The following ST18 variants were observed in gnomAD, a reference collection of about 807,000 sequenced individuals.
ST18 encodes the protein suppression of tumorigenicity 18 protein.
A neutral mutation model predicts 110.0 loss-of-function variants in ST18; 50 were observed. The ratio of observed to expected loss-of-function variants is 0.45; its 90% CI spans 0.36 to 0.58. The LOEUF (loss-of-function observed/expected upper bound fraction) is 0.58. ST18 is among the 20% of genes least tolerant of loss of function. The probability of loss-of-function intolerance (pLI) is 0.00; values close to 1 mark genes in which losing one functional copy is unlikely to be tolerated. For synonymous variants in ST18, 461 were observed against 452.4 expected (o/e 1.02, Z -0.24); for missense variants, 1,306 against 1,280.1 (o/e 1.02, Z -0.31).
rs28801446 is a variant in ST18, at chr8:52,190,529, C to A, written c.87-10217G>T. 6.3e-3 allele frequency among the ~76,000 whole-genome samples: 962 copies of A among 152,270 alleles called. 8 individuals are homozygous for A. Among genetic ancestry groups the A allele is most frequent in the African/African-American group, 0.022 (932 of 41,554 alleles). On this transcript the variant is annotated intron_variant, in intron 8 of 25. Coordinates refer to ENST00000689386, the MANE Select transcript of ST18 (RefSeq NM_001352837.2). ...CAGCTGCTATGCCAAAATATGAGAT[C>A]TTTGCTTTAGTGGATTAACATACAC... is the stretch of plus-strand genomic sequence containing the variant.
chr8:52,404,333 A>C (rs566960776), intron 2 of ST18: 1 of 152,328 alleles, frequency 6.6e-6, no homozygotes, highest in South Asian at 2.1e-4. Context: ...CCCATCCTGC[A>C]CAGAGAAGGG....
intron 2 of ST18, among the ~76,000 whole-genome samples, chr8:52,371,264 T>C (rs1049536992): frequency 1.3e-5 from 2 of 152,172 alleles, no homozygotes; most frequent in Admixed American, 6.5e-5. Flanking sequence ...CATAATAATA[T>C]TGAGAGAATT....
chr8:52,337,435 C>T (rs1000688544), intron 2 of ST18, among the ~76,000 whole-genome samples: 2 of 152,170 alleles, frequency 1.3e-5, no homozygotes, highest in African/African-American at 2.4e-5. Context: ...CCACCCTGGA[C>T]GAGTGAAAAG....
Position 52,135,568 on chromosome 8 carries a change from CAAA to C in ST18, c.2300+1019_2300+1021del, listed in dbSNP as rs71252929. On this transcript the variant is annotated intron_variant, in intron 19 of 25. Coordinates refer to ENST00000689386, the MANE Select transcript of ST18 (RefSeq NM_001352837.2). ...GGGCAACAAGACCGAAACTCCATCT[CAAA>C]AAAAAAAAAAAAAAAAAAAAGAAAG... Among the ~76,000 whole-genome samples the C allele has an allele frequency of 2.5e-3, 142 of 56,134 alleles. 1 individual carries two copies. Among genetic ancestry groups the C allele is most frequent in the Middle Eastern group, 8.8e-3 (1 of 114 alleles). The allele number at this position is 56,134 out of a possible 152,430, so 36.8% of individuals were successfully genotyped here.
Position 52,133,447 on chromosome 8 carries a change from A to G in ST18, c.2301-146T>C, listed in dbSNP as rs1044287993. 46 of 801,786 alleles carry G rather than the reference A, an allele frequency of 5.7e-5. No homozygotes were observed. In the Middle Eastern group the frequency reaches 1.1e-3, roughly 19 times the overall value. 49.7% of individuals were successfully genotyped at this position (801,786 alleles called of 1,614,324 possible). ...TGGAGGGAGGCGGGGTCACACAGCC[A>G]AATGTAACTAAAAACAAAGAGCTGC... On this transcript the variant is annotated intron_variant, in intron 19 of 25. Coordinates refer to ENST00000689386, the MANE Select transcript of ST18 (RefSeq NM_001352837.2).
chr8:52,119,630 A>G (rs1216846381), intron 23 of ST18, among the ~76,000 whole-genome samples: 1 of 152,196 alleles, frequency 6.6e-6, no homozygotes, highest in African/African-American at 2.4e-5. Flanking sequence ...ATGGTTGCAC[A>G]CAGGAAGCAT....
intron 2 of ST18, among the ~76,000 whole-genome samples, chr8:52,281,694 C>T (rs1208334863): frequency 6.6e-6 from 1 of 152,124 alleles, no homozygotes; most frequent in African/African-American, 2.4e-5. Context: ...CACATGTATA[C>T]CATGGAATAC....
chr8:52,145,666 A>G (rs1382635969), intron 16 of ST18, among the ~76,000 whole-genome samples: 1 of 152,186 alleles, frequency 6.6e-6, no homozygotes, highest in African/African-American at 2.4e-5. Context: ...TGGTTGTGTA[A>G]AAGAGGATGT....
At chr8:52,338,288 C>G (rs1313593706) in intron 2 of ST18, among the ~76,000 whole-genome samples, 1 of 150,502 alleles carries the variant, frequency 6.6e-6, no homozygotes. Context: ...AAACTCCTGA[C>G]CTCAGATGAT....
intron 8 of ST18, among the ~76,000 whole-genome samples, chr8:52,208,362 T>C (rs971623914): frequency 6.6e-6 from 1 of 152,218 alleles, no homozygotes; most frequent in African/African-American, 2.4e-5. Context: ...CACACAGTTG[T>C]GCTGGATCAC....
intron 2 of ST18, among the ~76,000 whole-genome samples, chr8:52,332,715 G>C (rs1029250275): frequency 6.6e-6 from 1 of 151,928 alleles, no homozygotes; most frequent in Admixed American, 6.6e-5. Context: ...GCCAGGCGTG[G>C]TGGCGCATGC....
At chr8:52,375,087 T>C (rs1831765536) in intron 2 of ST18, among the ~76,000 whole-genome samples, 1 of 152,074 alleles carries the variant, frequency 6.6e-6, no homozygotes. Context: ...CTCAGGAATA[T>C]CCTCTTTTAC....
intron 2 of ST18, among the ~76,000 whole-genome samples, chr8:52,360,107 A>G (rs186492745): frequency 6.6e-6 from 1 of 152,220 alleles, no homozygotes; most frequent in East Asian, 1.9e-4. Context: ...AGTTAAGGAA[A>G]ATATTTTGGA....
intron 15 of ST18, among the ~76,000 whole-genome samples, chr8:52,156,882 C>G (rs575078279): frequency 1.1e-4 from 17 of 152,314 alleles, no homozygotes; most frequent in African/African-American, 3.9e-4. Context: ...GTTTTTAGAA[C>G]TCCCAGCATA....
At chr8:52,130,153 A>AAGAAAGAAAGAG (rs2048934060) in intron 22 of ST18, among the ~76,000 whole-genome samples, 1 of 150,380 alleles carries the variant, frequency 6.6e-6, no homozygotes, top group Non-Finnish European at 1.5e-5. Context: ...GAAAGAAAGA[A>AAGAAAGAAAGAG]AGAAAGAAAG....
chr8:52,384,786 G>GGGGT (rs1554862029), intron 2 of ST18, among the ~76,000 whole-genome samples: 4 of 147,386 alleles, frequency 2.7e-5, no homozygotes, highest in African/African-American at 9.9e-5. Context: ...TGTGTACACA[G>GGGGT]GTGTGTGTGT....
intron 8 of ST18, among the ~76,000 whole-genome samples, chr8:52,198,028 T>C (rs1050000975): frequency 6.6e-6 from 1 of 152,192 alleles, no homozygotes; most frequent in Non-Finnish European, 1.5e-5. Context: ...TGTTTGTTTG[T>C]TTTTGAGACG....
chr8:52,178,073 C>T (rs1206373154), intron 9 of ST18, among the ~76,000 whole-genome samples: 1 of 152,114 alleles, frequency 6.6e-6, no homozygotes, highest in Non-Finnish European at 1.5e-5. Flanking sequence ...AACTGGAGGA[C>T]ATCTGGACAA....
At chr8:52,215,072 G>T (rs1017814615) in intron 6 of ST18, among the ~76,000 whole-genome samples, 2 of 152,144 alleles carry the variant, frequency 1.3e-5, no homozygotes, top group Non-Finnish European at 2.9e-5. Flanking sequence ...ATATAAATAA[G>T]TTGCTTTGCT....
Sources: gnomAD v4.1 joint callset for allele counts (sites outside exome capture counted in the v4.1 genomes callset) on GRCh38, gnomAD v4.1.1 for gene constraint, MANE v1.5 for transcripts, NCBI Gene and HGNC (gene_info 2026-07-23, HGNC 2026-07-21) for gene names.